The following L2HGDH variants were observed in gnomAD, a reference collection of about 807,000 sequenced individuals.
The protein encoded by L2HGDH is L-2-hydroxyglutarate dehydrogenase.
A neutral mutation model predicts 51.5 loss-of-function variants in L2HGDH; 34 were observed. That is an observed-to-expected ratio of 0.66 (90% CI 0.50 to 0.88). The LOEUF (loss-of-function observed/expected upper bound fraction) is 0.88. Ranked by LOEUF, L2HGDH falls within the 40% of genes least tolerant of loss-of-function variation. The probability of loss-of-function intolerance (pLI) is 0.00; values close to 1 mark genes in which losing one functional copy is unlikely to be tolerated. For missense variants in L2HGDH, 558 were observed against 571.9 expected (o/e 0.98, Z 0.25); for synonymous variants, 198 against 197.9 (o/e 1.00, Z -0.01).
chr14:50,274,299 G>C (rs1485942197), intron 6 of L2HGDH, among the ~76,000 whole-genome samples: 2 of 151,154 alleles, frequency 1.3e-5, no homozygotes, highest in East Asian at 1.9e-4. Context: ...GGAGTGGGGG[G>C]GCCAAGGACC....
chr14:50,301,686 A>ACTG (rs2030416267), intron 3 of L2HGDH, among the ~76,000 whole-genome samples: 1 of 152,214 alleles, frequency 6.6e-6, no homozygotes, highest in African/African-American at 2.4e-5. Flanking sequence ...ATGGGAAGTG[A>ACTG]CTGCTAATGG....
chr14:50,298,775 A>C (rs2030234421), intron 3 of L2HGDH, among the ~76,000 whole-genome samples: 1 of 152,218 alleles, frequency 6.6e-6, no homozygotes, highest in Non-Finnish European at 1.5e-5. Context: ...AAATTTAAAA[A>C]TCTGTTGAAA....
At chr14:50,309,350 G>A (rs1219406327) in intron 1 of L2HGDH, among the ~76,000 whole-genome samples, 2 of 152,116 alleles carry the variant, frequency 1.3e-5, no homozygotes, top group African/African-American at 2.4e-5. Flanking sequence ...ATCACCTGAG[G>A]TCAGGAGTTT....
At chr14:50,288,050 T>C (rs1053244460) in intron 4 of L2HGDH, among the ~76,000 whole-genome samples, 1 of 152,142 alleles carries the variant, frequency 6.6e-6, no homozygotes, top group African/African-American at 2.4e-5. Context: ...GTGTCTACAA[T>C]GTGTAATGAT....
In L2HGDH at chr14:50,242,740, T is replaced by C. The variant is rs749860001; in HGVS notation, c.*4318A>G. ...TTTCAAAAACTCCCTTTGAGTGTGT[T>C]AGAAAAGCTTAGAAACTGACTTTAC... On this transcript the variant is annotated 3_prime_UTR_variant, in exon 10 of 10. Coordinates refer to ENST00000267436, the MANE Select transcript of L2HGDH (RefSeq NM_024884.3). 45 of 985,436 alleles carry C rather than the reference T, an allele frequency of 4.6e-5. No homozygotes were observed. The African/African-American group carries it at 4.7e-4, about 10-fold the overall frequency. The allele number at this position is 985,436 out of a possible 1,614,324, so 61.0% of individuals were successfully genotyped here. A position where few individuals can be genotyped will look rare whatever the true frequency, so the allele number is the denominator to read the frequency against.
At chr14:50,307,063 G>A (rs568103297) in intron 1 of L2HGDH, among the ~76,000 whole-genome samples, 2 of 152,062 alleles carry the variant, frequency 1.3e-5, no homozygotes, top group South Asian at 4.2e-4. Flanking sequence ...TGATCCACCC[G>A]CCTCGGCCTC....
At chr14:50,270,609 C>T (rs1038462704) in intron 6 of L2HGDH, among the ~76,000 whole-genome samples, 5 of 152,092 alleles carry the variant, frequency 3.3e-5, no homozygotes, top group Non-Finnish European at 7.3e-5. Context: ...TGGGTTCACG[C>T]CATTCTCCTG....
chr14:50,255,980 G>A (rs1433505258), intron 9 of L2HGDH, among the ~76,000 whole-genome samples: 7 of 151,882 alleles, frequency 4.6e-5, no homozygotes, highest in Non-Finnish European at 8.8e-5. Flanking sequence ...TCCAGGCTGG[G>A]TGACAGAGTG....
intron 4 of L2HGDH, among the ~76,000 whole-genome samples, chr14:50,285,776 G>GATCC (rs1256398029): frequency 6.6e-6 from 1 of 152,148 alleles, no homozygotes; most frequent in Non-Finnish European, 1.5e-5. Context: ...TTTACTGAAG[G>GATCC]ATTGAATTTG....
intron 9 of L2HGDH, among the ~76,000 whole-genome samples, chr14:50,252,235 A>ATCCCAGCACTTTGGGAG (rs1888403307): frequency 6.6e-6 from 1 of 152,104 alleles, no homozygotes; most frequent in East Asian, 1.9e-4. Context: ...AGTATTTGCA[A>ATCCCAGCACTTTGGGAG]GCCTCATGGT....
At chr14:50,293,967 A>T in intron 4 of L2HGDH, 148 bp downstream of exon 4, 1 of 918,338 alleles carries the variant, frequency 1.1e-6, no homozygotes, top group Middle Eastern at 3.4e-4. Context: ...GTTTGTGACA[A>T]TGCCCTCTTG....
In L2HGDH at chr14:50,302,185, A is replaced by G. The variant is rs754456577; in HGVS notation, c.257-17T>C. The G allele has an allele frequency of 1.2e-6, 2 of 1,613,074 alleles. No individual in the cohort carries two copies. Among genetic ancestry groups the G allele is most frequent in the African/African-American group, 2.7e-5 (2 of 74,916 alleles). On this transcript the variant is annotated splice_polypyrimidine_tract_variant and intron_variant, in intron 2 of 9. Coordinates refer to ENST00000267436, the MANE Select transcript of L2HGDH (RefSeq NM_024884.3). ...GGTGAACAGCTACAGAACAAGAGAA[A>G]CAGGGTAAGAGTAAGTACATGATTC...
intron 9 of L2HGDH, among the ~76,000 whole-genome samples, chr14:50,264,689 A>C (rs1482722989): frequency 1.3e-5 from 2 of 151,690 alleles, no homozygotes; most frequent in Admixed American, 6.6e-5. Context: ...AGAACACATG[A>C]ACACAAAGAA....
At chr14:50,253,158 A>G (rs1271277648) in intron 9 of L2HGDH, among the ~76,000 whole-genome samples, 1 of 152,096 alleles carries the variant, frequency 6.6e-6, no homozygotes, top group African/African-American at 2.4e-5. Context: ...AAACACATAG[A>G]AATTAAACAA....
chr14:50,311,902 C>A, intron 1 of L2HGDH, 109 bp downstream of exon 1: 1 of 1,456,592 alleles, frequency 6.9e-7, no homozygotes, highest in Non-Finnish European at 9.2e-7. Context: ...GGACCCCAAC[C>A]TGCTCTCACC....
At chr14:50,301,346 A>G (rs770010743) in intron 3 of L2HGDH, among the ~76,000 whole-genome samples, 1 of 152,220 alleles carries the variant, frequency 6.6e-6, no homozygotes, top group African/African-American at 2.4e-5. Context: ...AAATGAAAAC[A>G]TATGTTCACA....
Position 50,242,590 on chromosome 14 carries a change from C to A in L2HGDH, c.*4468G>T. 1 of 984,852 alleles carries A rather than the reference C, an allele frequency of 1.0e-6. No homozygotes were observed. Among genetic ancestry groups the A allele is most frequent in the Non-Finnish European group, 1.2e-6 (1 of 829,424 alleles). The allele number at this position is 984,852 out of a possible 1,614,324, so 61.0% of individuals were successfully genotyped here. ...ATCAACACTGTTCTTCCCTTCAGGG[C>A]TTCAGGGTTTATTTCCATTCTTAAG... On this transcript the variant is annotated 3_prime_UTR_variant, in exon 10 of 10. Coordinates refer to ENST00000267436, the MANE Select transcript of L2HGDH (RefSeq NM_024884.3).
Position 50,311,989 on chromosome 14 carries a change from G to C in L2HGDH, c.140+22C>G. 4 of 1,551,152 alleles carry C rather than the reference G, an allele frequency of 2.6e-6. No individual in the cohort carries two copies. In the South Asian group the frequency reaches 3.5e-5, roughly 14 times the overall value. ...GCGAGGGGCAGCAGCGCAGGCGGCG[G>C]GGAGGACCAGCGGCCACTCACCTGG... On this transcript the variant is annotated intron_variant, in intron 1 of 9. Transcript: ENST00000267436.
intron 3 of L2HGDH, among the ~76,000 whole-genome samples, chr14:50,295,601 T>A (rs1001962084): frequency 1.4e-5 from 2 of 142,112 alleles, no homozygotes; most frequent in Admixed American, 7.1e-5. Context: ...TTTTTTTTTT[T>A]AGTAGAGACA....
Sources: gnomAD v4.1 joint callset for allele counts (sites outside exome capture counted in the v4.1 genomes callset) on GRCh38, gnomAD v4.1.1 for gene constraint, MANE v1.5 for transcripts, NCBI Gene and HGNC (gene_info 2026-07-23, HGNC 2026-07-21) for gene names.